The following TAMM41 variants were observed in gnomAD, a reference collection of about 807,000 sequenced individuals.
TAMM41 encodes the protein TAM41 mitochondrial translocator assembly and maintenance homolog, also known as phosphatidate cytidylyltransferase, mitochondrial.
A neutral mutation model predicts 44.1 loss-of-function variants in TAMM41; 36 were observed. The observed-to-expected ratio is 0.82, with a 90% confidence interval of 0.63 to 1.08. The LOEUF is 1.08. Ranked by LOEUF, TAMM41 falls within the 50% of genes least tolerant of loss-of-function variation. The pLI is 0.00. For missense variants in TAMM41, 417 were observed against 404.3 expected, an observed-to-expected ratio of 1.03 and a Z score of -0.27; for synonymous variants, 164 against 153.1, an observed-to-expected ratio of 1.07 and a Z score of -0.53.
At chr3:11,816,995 C>T in intron 5 of TAMM41, 197 bp downstream of exon 5, 1 of 517,672 alleles carries the variant, frequency 1.9e-6, no homozygotes, top group Non-Finnish European at 3.2e-6. Context: ...GTTCCCTTCT[C>T]CAAAGGCAGC....
intron 6 of TAMM41, chr3:11,809,186 A>T (rs1039604292): frequency 8.7e-6 from 3 of 343,092 alleles, no homozygotes; most frequent in African/African-American, 4.4e-5. Flanking sequence ...AAATGCCACC[A>T]ATCTCTTTTC....
At chr3:11,825,344 A>G (rs2125015866) in intron 4 of TAMM41, among the ~76,000 whole-genome samples, 1 of 152,322 alleles carries the variant, frequency 6.6e-6, no homozygotes, top group East Asian at 1.9e-4. Context: ...GCAAATGACT[A>G]CTGAGTAACC....
At chr3:11,736,898 T>C in the TAMM41 span, among the ~76,000 whole-genome samples, 1 of 152,142 alleles carries the variant, frequency 6.6e-6, no homozygotes, top group African/African-American at 2.4e-5. Context: ...AGACACAGGC[T>C]CAGCCAACTG....
chr3:11,756,394 C>T, the TAMM41 span, among the ~76,000 whole-genome samples: 9 of 152,246 alleles, frequency 5.9e-5, no homozygotes, highest in Non-Finnish European at 1.3e-4. Context: ...TGAGGGTCCA[C>T]TCTGTGCCTG....
At chr3:11,833,232 T>A (rs1465859253) in intron 3 of TAMM41, 7 of 1,132,742 alleles carry the variant, frequency 6.2e-6, no homozygotes, top group Non-Finnish European at 7.9e-6. Context: ...ACTGCATAGA[T>A]AACATTAGCA....
the TAMM41 span, chr3:11,724,783 A>C: frequency 1.3e-5 from 2 of 152,208 alleles, no homozygotes; most frequent in Non-Finnish European, 2.9e-5. Flanking sequence ...AAAAAAGTGC[A>C]GAGTAGGAAG....
intron 7 of TAMM41, among the ~76,000 whole-genome samples, chr3:11,794,043 C>G (rs999909190): frequency 6.6e-6 from 1 of 152,160 alleles, no homozygotes; most frequent in Non-Finnish European, 1.5e-5. Context: ...AGACACTGAA[C>G]TAGTTGCTAG....
the TAMM41 span, among the ~76,000 whole-genome samples, chr3:11,753,634 G>T: frequency 6.6e-6 from 1 of 152,106 alleles, no homozygotes; most frequent in East Asian, 1.9e-4. Context: ...CTACTCGGGA[G>T]GCTGAGACAG....
the TAMM41 span, among the ~76,000 whole-genome samples, chr3:11,751,851 G>A: frequency 6.6e-5 from 10 of 152,178 alleles, no homozygotes; most frequent in Non-Finnish European, 1.3e-4. Context: ...ATAGCCAGGG[G>A]GTTCAGATAT....
At chr3:11,752,029 G>A in the TAMM41 span, among the ~76,000 whole-genome samples, 150 of 152,270 alleles carry the variant, frequency 9.9e-4, 1 homozygote, top group African/African-American at 3.5e-3. Context: ...CACTCAGGCA[G>A]GTGCTAAGCA....
intron 7 of TAMM41, among the ~76,000 whole-genome samples, chr3:11,790,883 A>G (rs2077462772): frequency 6.6e-6 from 1 of 152,168 alleles, no homozygotes; most frequent in African/African-American, 2.4e-5. Flanking sequence ...AGCTCTTTCA[A>G]AAAGGTAGGA....
chr3:11,802,376 A>G (rs1317680461), intron 7 of TAMM41, among the ~76,000 whole-genome samples: 1 of 152,232 alleles, frequency 6.6e-6, no homozygotes, highest in Non-Finnish European at 1.5e-5. Flanking sequence ...AGACATTACA[A>G]CTGATACCAC....
At chr3:11,824,183 T>C (rs1398279295) in intron 4 of TAMM41, among the ~76,000 whole-genome samples, 1 of 151,076 alleles carries the variant, frequency 6.6e-6, no homozygotes. Context: ...CCTTATCAGA[T>C]GCATGATTTG....
chr3:11,775,100 C>G, the TAMM41 span, among the ~76,000 whole-genome samples: 1 of 152,004 alleles, frequency 6.6e-6, no homozygotes. Flanking sequence ...AACTCCTGAC[C>G]TCGTGATCCA....
chr3:11,731,877 A>ATT, the TAMM41 span, among the ~76,000 whole-genome samples: 296 of 141,862 alleles, frequency 2.1e-3, 4 homozygotes, highest in East Asian at 0.031. Flanking sequence ...TAATTAGGGC[A>ATT]TTTTTTTTTT....
intron 3 of TAMM41, among the ~76,000 whole-genome samples, chr3:11,838,763 T>C (rs758096545): frequency 2.6e-5 from 4 of 152,130 alleles, no homozygotes; most frequent in South Asian, 2.1e-4. Flanking sequence ...CCGTTGGTGA[T>C]TGGCCCAATC....
chr3:11,839,299 C>T lies in TAMM41; in HGVS notation c.334G>A (p.Val112Ile). The part of the protein sequence containing the change: ...MCNGRLIKYG[V>I]ISTNVLIEDL... The stretch of plus-strand genomic sequence containing the variant: ...TCAATCAGAACGTTAGTGCTAATAA[C>T]TCCATATTTGATAAGCTGAAGGAAA... The change falls in exon 3 of 8, where the codon GTT becomes ATT. Residue 112 changes from valine to isoleucine, a missense_variant. Coordinates refer to ENST00000455809, the MANE Select transcript of TAMM41 (RefSeq NM_001284401.2). The T allele has an allele frequency of 6.2e-7, 1 of 1,611,056 alleles. No homozygotes were observed. Among genetic ancestry groups the T allele is most frequent in the Non-Finnish European group, 8.5e-7 (1 of 1,177,788 alleles).
chr3:11,782,560 AAG>A, the TAMM41 span, among the ~76,000 whole-genome samples: 1 of 151,978 alleles, frequency 6.6e-6, no homozygotes, highest in Non-Finnish European at 1.5e-5. Context: ...AAAAAAAAAA[AAG>A]AAAAAAAAAG....
At chr3:11,758,630 CG>C in the TAMM41 span, among the ~76,000 whole-genome samples, 1 of 152,006 alleles carries the variant, frequency 6.6e-6, no homozygotes, top group Non-Finnish European at 1.5e-5. Flanking sequence ...GGATTACCGG[CG>C]TGAGCCACTG....
Sources: allele counts gnomAD v4.1 joint callset (sites outside exome capture counted in the v4.1 genomes callset), GRCh38; gene constraint gnomAD v4.1.1; transcripts MANE v1.5; gene names NCBI Gene and HGNC (gene_info 2026-07-23, HGNC 2026-07-21).